The following IQSEC1 variants were observed in gnomAD, a reference collection of about 807,000 sequenced individuals.
The protein encoded by IQSEC1 is IQ motif and SEC7 domain-containing protein 1.
In IQSEC1, 31 loss-of-function variants were observed where a neutral mutation model predicts 91.0. The ratio of observed to expected loss-of-function variants is 0.34; its 90% confidence interval spans 0.26 to 0.46. The LOEUF (loss-of-function observed/expected upper bound fraction) is 0.46, where lower values mean the gene tolerates loss of function less well. Ranked by LOEUF, IQSEC1 falls within the 20% of genes least tolerant of loss-of-function variation. IQSEC1 has a pLI of 1.00. For synonymous variants in IQSEC1, 699 were observed against 662.6 expected (o/e 1.05, Z -0.84); for missense variants, 1,388 against 1,575.6 (o/e 0.88, Z 2.02).
chr3:13,042,857 G>A (rs145743957), intron 1 of IQSEC1, among the ~76,000 whole-genome samples: 31 of 152,322 alleles, frequency 2.0e-4, no homozygotes, highest in African/African-American at 6.7e-4. Flanking sequence ...AGGCCAGGAA[G>A]ACCCAGGGAG....
At chr3:12,958,224 C>T (rs1294215951) in intron 1 of IQSEC1, among the ~76,000 whole-genome samples, 1 of 152,220 alleles carries the variant, frequency 6.6e-6, no homozygotes, top group Non-Finnish European at 1.5e-5. Flanking sequence ...CAGCAATCTG[C>T]CCACAGCACC....
chr3:13,035,257 C>A (rs906154161), intron 1 of IQSEC1, among the ~76,000 whole-genome samples: 1 of 152,218 alleles, frequency 6.6e-6, no homozygotes, highest in Non-Finnish European at 1.5e-5. Context: ...CAGTAAACTC[C>A]CTTTTTGCTG....
At chr3:13,187,004 C>T (rs1693945495) in intron 1 of IQSEC1, among the ~76,000 whole-genome samples, 2 of 152,096 alleles carry the variant, frequency 1.3e-5, no homozygotes, top group South Asian at 4.1e-4. Flanking sequence ...GCCTTTTCTT[C>T]CTTCTTCGTA....
intron 1 of IQSEC1, among the ~76,000 whole-genome samples, chr3:13,185,989 G>A (rs978653973): frequency 1.3e-5 from 2 of 152,220 alleles, no homozygotes; most frequent in East Asian, 1.9e-4. Context: ...GGGCTTTGAC[G>A]CCATGACTCA....
chr3:13,128,742 T>C (rs1354631446), intron 2 of IQSEC1, among the ~76,000 whole-genome samples: 2 of 151,970 alleles, frequency 1.3e-5, no homozygotes, highest in Non-Finnish European at 2.9e-5. Context: ...CCGGGCGTGG[T>C]GGCGGGCACC....
intron 1 of IQSEC1, among the ~76,000 whole-genome samples, chr3:12,956,749 G>C (rs1699932099): frequency 6.6e-6 from 1 of 152,236 alleles, no homozygotes; most frequent in Non-Finnish European, 1.5e-5. Context: ...TCCCTGGGGA[G>C]TGTGGGGGGA....
intron 1 of IQSEC1, among the ~76,000 whole-genome samples, chr3:12,954,944 C>T (rs1368237761): frequency 1.3e-5 from 2 of 152,180 alleles, no homozygotes. Context: ...CTTCTTCTCC[C>T]GCAACTCCAC....
Position 12,909,429 on chromosome 3 carries a change from G to A in IQSEC1, c.2422C>T (p.Pro808Ser), listed in dbSNP as rs1695347992. The A allele has an allele frequency of 1.2e-6, 2 of 1,613,640 alleles. No individual in the cohort carries two copies. The highest frequency in any genetic ancestry group is 1.7e-6 in the Non-Finnish European group (2 of 1,179,796). ...GACGAGGTGAGCCGGATGCCATTGG[G>A]GTAGTCTGCAAAAGGGAAGGAGAGG... Reference protein sequence around the residue: ...QVLLFENQYYPNGIRLTSSVP... With the variant: ...QVLLFENQYYSNGIRLTSSVP... The change falls in exon 11 of 14, where the codon CCC becomes TCC. Residue 808 changes from proline to serine, a missense_variant. Physicochemically the swap from Pro to Ser is moderately conservative, Grantham distance 74. Around this residue, in one of 2 missense-constraint regions of IQSEC1, gnomAD observed 1,059 missense variants for 1,317.8 expected, o/e 0.80. Transcript: ENST00000613206. The surrounding 1 kb of genome is among the most constrained non-coding windows in gnomAD (Gnocchi z 4.9).
At chr3:13,041,672 G>A (rs943199632) in intron 1 of IQSEC1, among the ~76,000 whole-genome samples, 5 of 152,218 alleles carry the variant, frequency 3.3e-5, no homozygotes, top group African/African-American at 1.2e-4. Context: ...ACCTGCCGGA[G>A]GTATGAACAT....
At chr3:12,958,731 G>A (rs1189152836) in intron 1 of IQSEC1, among the ~76,000 whole-genome samples, 1 of 152,212 alleles carries the variant, frequency 6.6e-6, no homozygotes, top group Non-Finnish European at 1.5e-5. Flanking sequence ...TGTGACTTTG[G>A]CTTGTTTTGG....
chr3:13,070,011 G>T (rs1705360808), intron 1 of IQSEC1, among the ~76,000 whole-genome samples: 1 of 150,802 alleles, frequency 6.6e-6, no homozygotes, highest in Non-Finnish European at 1.5e-5. Context: ...ACAGAGTCTC[G>T]ATTCCATAAA....
chr3:13,024,374 CATCCATCCA>C, intron 1 of IQSEC1, among the ~76,000 whole-genome samples: 1 of 8,084 alleles, frequency 1.2e-4, no homozygotes, highest in Non-Finnish European at 3.3e-4. Context: ...TCCATCACTC[CATCCATCCA>C]TCCATCCATC....
At chr3:13,130,922 C>CA (rs71066945) in intron 2 of IQSEC1, among the ~76,000 whole-genome samples, 35,112 of 111,088 alleles carry the variant, frequency 0.32, 4,794 homozygotes, top group South Asian at 0.5. Context: ...GACCATGTGT[C>CA]AAAAAAAAAA....
At chr3:13,041,252 G>A (rs1245237575) in intron 1 of IQSEC1, among the ~76,000 whole-genome samples, 1 of 152,078 alleles carries the variant, frequency 6.6e-6, no homozygotes. Context: ...GCACCACAGC[G>A]CTCAGGGCCC....
In IQSEC1 at chr3:13,277,842, G is replaced by T. The variant is rs545512947; in HGVS notation, c.272+4869C>A. The stretch of plus-strand genomic sequence containing the variant: ...CAGCCCCCTCCTCTTTGCTAAGAGG[G>T]GACAGGAAATCCAACCTAAGTGCCC... On this transcript the variant is annotated intron_variant, in intron 1 of 15. Coordinates refer to the IQSEC1 transcript ENST00000648114. 1.3e-4 allele frequency among the ~76,000 whole-genome samples: 20 copies of T among 152,254 alleles called. 1 individual carries two copies. In the South Asian group the frequency reaches 2.3e-3, roughly 17 times the overall value.
chr3:13,145,810 G>GGT (rs1246312770), intron 2 of IQSEC1, among the ~76,000 whole-genome samples: 3 of 134,294 alleles, frequency 2.2e-5, no homozygotes, highest in East Asian at 2.7e-4. Context: ...GGGGCGGGGG[G>GGT]GGGGGGTCCT....
At chr3:13,271,148 T>G (rs1015157169) in intron 1 of IQSEC1, among the ~76,000 whole-genome samples, 10 of 151,848 alleles carry the variant, frequency 6.6e-5, no homozygotes, top group Non-Finnish European at 1.3e-4. Context: ...GAGGCTGAGG[T>G]GGGCTGATCA....
intron 1 of IQSEC1, among the ~76,000 whole-genome samples, chr3:13,000,550 G>A (rs887747397): frequency 1.3e-5 from 2 of 152,204 alleles, no homozygotes; most frequent in Non-Finnish European, 2.9e-5. Context: ...TGCCCAGAAG[G>A]TCCCTGAAAG....
intron 1 of IQSEC1, among the ~76,000 whole-genome samples, chr3:13,223,747 C>G (rs1694703224): frequency 6.6e-6 from 1 of 152,208 alleles, no homozygotes. Flanking sequence ...AGAGGAAAAG[C>G]TGATTCATTT....
Sources: allele counts gnomAD v4.1 joint callset (sites outside exome capture counted in the v4.1 genomes callset), GRCh38; gene constraint gnomAD v4.1.1; regional missense constraint gnomAD v4.1.1; non-coding constraint Gnocchi (gnomAD v3.1); transcripts MANE v1.5; gene names NCBI Gene and HGNC (gene_info 2026-07-23, HGNC 2026-07-21).